The following AKNA variants were observed in gnomAD, a reference collection of about 807,000 sequenced individuals.
AKNA encodes microtubule organization protein AKNA.
Under a neutral mutation model 138.8 loss-of-function variants are expected in AKNA, and 67 were observed. The observed-to-expected ratio is 0.48, with a 90% CI of 0.40 to 0.59. The LOEUF (loss-of-function observed/expected upper bound fraction) is 0.59, where lower values mean the gene tolerates loss of function less well. Ranked by LOEUF, AKNA falls within the 20% of genes least tolerant of loss-of-function variation. AKNA has a pLI of 0.00. For missense variants in AKNA, 1,813 were observed against 1,880.4 expected (o/e 0.96, Z 0.66); for synonymous variants, 737 against 754.4 (o/e 0.98, Z 0.38).
intron 2 of AKNA, 99 bp from the exon 3 acceptor site, chr9:114,377,631 A>C: frequency 1.7e-6 from 2 of 1,211,414 alleles, no homozygotes; most frequent in Non-Finnish European, 1.1e-6. Context: ...CCATTTCCTC[A>C]TCACGTGGGG....
At position 114,381,313 on chromosome 9, in the gene AKNA, C is replaced by T; in HGVS notation, c.21G>A (p.Glu7=). 3 of 1,602,114 alleles carry T rather than the reference C, an allele frequency of 1.9e-6. No homozygotes were observed. The highest frequency in any genetic ancestry group is 2.6e-6 in the Non-Finnish European group (3 of 1,173,982). Residue 7 remains glutamate (E), a synonymous_variant, in exon 2 of 22, where the codon GAG becomes GAA. Transcript: ENST00000374088. Reference sequence around the variant, plus strand: ...CCAGGCCAGGCTCAGCCCAGCGGATCTCAGTCTCCGAGCTGGCCATTGGGG... The same window carrying T: ...CCAGGCCAGGCTCAGCCCAGCGGATTTCAGTCTCCGAGCTGGCCATTGGGG... The part of the protein sequence containing the change: MASSET[E]IRWAEPGLGK...
intron 1 of AKNA, among the ~76,000 whole-genome samples, chr9:114,384,233 T>C (rs1204965044): frequency 6.6e-6 from 1 of 152,182 alleles, no homozygotes; most frequent in Non-Finnish European, 1.5e-5. Flanking sequence ...ATATATTACA[T>C]GTATTGGAAA....
chr9:114,366,103 A>AGATGG (rs1832331959), intron 6 of AKNA, among the ~76,000 whole-genome samples: 2 of 152,050 alleles, frequency 1.3e-5, no homozygotes, highest in African/African-American at 4.8e-5. Context: ...ACATGGTGAA[A>AGATGG]CCCCATCTCT....
rs569631049 is a variant in AKNA at position 114,361,802 on chromosome 9, C to T, written c.2026G>A (p.Asp676Asn). ...PEPPGSDSAL[D>N]STPALPCLHQ... ...AGGCAGGGCAGGGCTGGGGTGCTGT[C>T]CAGAGCTGAGTCTGACCCGGGCGGC... The change falls in exon 9 of 22, where the codon GAC (aspartate) becomes AAC (asparagine). Residue 676 changes from aspartate (D) to asparagine (N), a missense_variant. Physicochemically the swap from Asp to Asn is conservative, Grantham distance 23. Transcript: ENST00000374088. 5 of 1,613,706 alleles carry T rather than the reference C, an allele frequency of 3.1e-6. No homozygotes were observed. In the East Asian group the frequency reaches 6.7e-5, roughly 22 times the overall value.
upstream of AKNA, among the ~76,000 whole-genome samples, chr9:114,398,219 C>T (rs1326237584): frequency 1.3e-5 from 2 of 152,190 alleles, no homozygotes; most frequent in South Asian, 4.1e-4. The surrounding 1 kb of genome is among the most constrained non-coding windows in gnomAD (Gnocchi z 4.2). Context: ...GCCCATACCG[C>T]CCGTCCAGGG....
downstream of AKNA, chr9:114,331,944 T>C (rs770399755): frequency 4.3e-6 from 7 of 1,610,364 alleles, 1 homozygote; most frequent in South Asian, 7.7e-5. Flanking sequence ...ACGCAAGGGA[T>C]TGGACAGTGC....
intron 2 of AKNA, among the ~76,000 whole-genome samples, chr9:114,379,356 T>C (rs977661207): frequency 5.3e-5 from 8 of 152,340 alleles, no homozygotes; most frequent in Admixed American, 3.3e-4. Flanking sequence ...GCCTGGCACA[T>C]AGTAAAGGCA....
intron 19 of AKNA, among the ~76,000 whole-genome samples, chr9:114,343,339 C>T (rs996451562): frequency 3.9e-5 from 6 of 152,166 alleles, no homozygotes; most frequent in African/African-American, 1.4e-4. Context: ...GACTAGAACC[C>T]ATTGCCTGGA....
At chr9:114,388,457 C>T (rs1282718156), upstream of AKNA, among the ~76,000 whole-genome samples, 2 of 152,212 alleles carry the variant, frequency 1.3e-5, no homozygotes, top group African/African-American at 4.8e-5. Flanking sequence ...CTGACTCTGC[C>T]AATGTGCAAC....
intron 4 of AKNA, among the ~76,000 whole-genome samples, chr9:114,373,088 G>A (rs1282207521): frequency 6.6e-6 from 1 of 152,096 alleles, no homozygotes; most frequent in Admixed American, 6.5e-5. Context: ...CAGGGGCAGG[G>A]TCCTGGAGCA....
Position 114,355,906 on chromosome 9 carries a change from G to C in AKNA, c.3058+19C>G, listed in dbSNP as rs1831464238. On this transcript the variant is annotated intron_variant, in intron 14 of 21. Coordinates refer to ENST00000374088, the MANE Select transcript of AKNA (RefSeq NM_001317950.2). ...TTTCAACCCATGCAGTTCTGTCCAA[G>C]TCAGACTCCTGCACTCACCCATCTC... 6.2e-7 allele frequency: 1 copy of C among 1,613,238 alleles called. No homozygotes were observed. The highest frequency in any genetic ancestry group is 8.5e-7 in the Non-Finnish European group (1 of 1,179,388).
At chr9:114,353,127 A>G (rs1394288296) in intron 14 of AKNA, among the ~76,000 whole-genome samples, 1 of 152,218 alleles carries the variant, frequency 6.6e-6, no homozygotes, top group Non-Finnish European at 1.5e-5. Flanking sequence ...ATTTCAATAA[A>G]TAATTCATGT....
At chr9:114,391,298 G>A (rs1377274358), upstream of AKNA, among the ~76,000 whole-genome samples, 1 of 152,338 alleles carries the variant, frequency 6.6e-6, no homozygotes, top group East Asian at 1.9e-4. Context: ...AAAATCGAGA[G>A]TGGAGCTTCT....
upstream of AKNA, among the ~76,000 whole-genome samples, chr9:114,391,260 G>A (rs781645779): frequency 9.2e-5 from 14 of 152,322 alleles, no homozygotes; most frequent in African/African-American, 2.6e-4. Context: ...ATTGCAGCCC[G>A]CAGAGATAAT....
rs376350004 is a variant in AKNA at position 114,377,408 on chromosome 9, C to T, written c.399G>A (p.Glu133=). The part of the protein sequence containing the change: ...EEPDGTLGSL[E]VEEAGESSSR... The stretch of plus-strand genomic sequence containing the variant: ...AGGAGCTCTCTCCAGCCTCCTCAAC[C>T]TCCAGACTTCCGAGGGTCCCATCTG... The change falls in exon 3 of 22, where the codon GAG becomes GAA. Residue 133 remains glutamate (E), a synonymous_variant. Coordinates refer to ENST00000374088, the MANE Select transcript of AKNA (RefSeq NM_001317950.2). 5.6e-6 allele frequency: 9 copies of T among 1,613,770 alleles called. No homozygotes were observed. The Admixed American group carries it at 1.2e-4, about 21-fold the overall frequency.
chr9:114,347,985 C>A (rs1300432425), intron 15 of AKNA, 85 bp from the exon 16 acceptor site: 1 of 1,438,794 alleles, frequency 7.0e-7, no homozygotes, highest in Non-Finnish European at 9.4e-7. Flanking sequence ...GATGCGGCAG[C>A]CTTTGTCCCT....
At position 114,350,939 on chromosome 9, in the gene AKNA, G is replaced by A. The variant is rs1343876153; in HGVS notation, c.3141C>T (p.Ala1047=). 1.2e-5 allele frequency: 20 copies of A among 1,612,336 alleles called. No individual in the cohort carries two copies. The highest frequency in any genetic ancestry group is 1.5e-5 in the Non-Finnish European group (18 of 1,179,412). The change falls in exon 15 of 22, where the codon GCC becomes GCT. Residue 1047 remains alanine, a synonymous_variant. Transcript: ENST00000374088. ...LPNKTISPPP[A]PAPAAAPLPC... is the part of the protein sequence containing the mutation. ...GTAGAGGCGCAGCGGCAGGGGCGGG[G>A]GCTGGGGGTGGGCTGATTGTCTTGT...
intron 4 of AKNA, among the ~76,000 whole-genome samples, chr9:114,371,086 T>C (rs1832741208): frequency 6.6e-6 from 1 of 152,086 alleles, no homozygotes; most frequent in Admixed American, 6.5e-5. Context: ...GAGGCCAGTG[T>C]AGAGAACAGA....
intron 4 of AKNA, among the ~76,000 whole-genome samples, chr9:114,373,303 G>A (rs1832930896): frequency 6.6e-6 from 1 of 152,192 alleles, no homozygotes; most frequent in Non-Finnish European, 1.5e-5. Flanking sequence ...GGGCTGGGGT[G>A]GTGGGTTCCC....
Sources: gnomAD v4.1 joint callset for allele counts (sites outside exome capture counted in the v4.1 genomes callset) on GRCh38, gnomAD v4.1.1 for gene constraint, Gnocchi (gnomAD v3.1) non-coding constraint, MANE v1.5 for transcripts, NCBI Gene and HGNC (gene_info 2026-07-23, HGNC 2026-07-21) for gene names.